Variants in AVEN observed in about 807,000 individuals in gnomAD.
The protein encoded by AVEN is cell death regulator Aven.
A neutral mutation model predicts 38.1 loss-of-function variants in AVEN; 41 were observed. The ratio of observed to expected loss-of-function variants is 1.08; its 90% CI spans 0.84 to 1.40. The LOEUF (loss-of-function observed/expected upper bound fraction) is 1.40, where lower values mean the gene tolerates loss of function less well. Ranked by LOEUF, AVEN falls within the 40% of genes most tolerant of loss-of-function variation. The pLI is 0.00. For synonymous variants in AVEN, 206 were observed against 171.8 expected (o/e 1.20, Z -1.56); for missense variants, 605 against 438.8 (o/e 1.38, Z -3.38).
chr15:33,859,591 T>A, intron 11 of AVEN: 1 of 1,614,016 alleles, frequency 6.2e-7, no homozygotes, highest in African/African-American at 1.3e-5. Flanking sequence ...CTTTTCCACA[T>A]GTACGTGGGA....
chr15:33,998,875 AT>A (rs1167958872), intron 2 of AVEN, among the ~76,000 whole-genome samples: 2 of 152,158 alleles, frequency 1.3e-5, no homozygotes, highest in Non-Finnish European at 2.9e-5. Context: ...TCTCTAGGTA[AT>A]AACTCCCCCT....
chr15:33,868,043 G>A (rs780924423), intron 4 of AVEN, among the ~76,000 whole-genome samples, 188 bp from the exon 5 acceptor site: 10 of 152,124 alleles, frequency 6.6e-5, no homozygotes, highest in African/African-American at 9.7e-5. Flanking sequence ...GGTAAATGTG[G>A]GAGACCTCAC....
intron 2 of AVEN, among the ~76,000 whole-genome samples, chr15:33,879,833 T>C (rs1891410663): frequency 6.6e-6 from 1 of 152,176 alleles, no homozygotes; most frequent in African/African-American, 2.4e-5. Context: ...CTGGATCAAT[T>C]AGAAACCTCT....
chr15:33,865,030 A>C, downstream of AVEN: 1 of 792,180 alleles, frequency 1.3e-6, no homozygotes, highest in South Asian at 1.7e-5. Flanking sequence ...ATATAAATTC[A>C]CATCAGTCTT....
At chr15:33,953,224 T>G (rs1597268255) in intron 2 of AVEN, among the ~76,000 whole-genome samples, 2 of 151,998 alleles carry the variant, frequency 1.3e-5, no homozygotes, top group East Asian at 3.8e-4. Flanking sequence ...AGGTAATCTA[T>G]AGATTCAATG....
chr15:34,001,590 C>T (rs1897140869), intron 2 of AVEN, among the ~76,000 whole-genome samples: 1 of 152,094 alleles, frequency 6.6e-6, no homozygotes, highest in Non-Finnish European at 1.5e-5. Context: ...ATATAGGTAC[C>T]AAGAGGGAAG....
intron 2 of AVEN, among the ~76,000 whole-genome samples, chr15:33,890,594 GAA>G (rs1220582360): frequency 1.3e-4 from 20 of 152,038 alleles, no homozygotes; most frequent in African/African-American, 4.6e-4. Context: ...TTTGCAACCA[GAA>G]ATTTCTAGTA....
intron 11 of AVEN, chr15:33,859,676 C>A: frequency 6.2e-7 from 1 of 1,613,768 alleles, no homozygotes; most frequent in Non-Finnish European, 8.5e-7. Context: ...ATCGCATTGT[C>A]TTTGACATTA....
At chr15:33,878,108 A>C (rs1891325797) in intron 2 of AVEN, among the ~76,000 whole-genome samples, 1 of 152,236 alleles carries the variant, frequency 6.6e-6, no homozygotes, top group African/African-American at 2.4e-5. Context: ...AAAACTCAAC[A>C]GTTATCAAGA....
At chr15:33,983,377 C>A (rs969587749) in intron 2 of AVEN, among the ~76,000 whole-genome samples, 1 of 151,506 alleles carries the variant, frequency 6.6e-6, no homozygotes, top group African/African-American at 2.4e-5. Context: ...CTCATTAACC[C>A]CATTCAGTTA....
At chr15:33,931,442 C>T (rs2153050963) in intron 2 of AVEN, among the ~76,000 whole-genome samples, 1 of 145,296 alleles carries the variant, frequency 6.9e-6, no homozygotes, top group African/African-American at 2.6e-5. Flanking sequence ...ACAATCTCGG[C>T]TCACTGCAAG....
Position 33,866,676 on chromosome 15 carries a change from T to C in AVEN, c.1026A>G (p.Pro342=). ...TEEKNMEPEQ[P]STSKNVTEEE... is the part of the protein sequence containing the mutation. ...CCTCGGTAACATTTTTGGAGGTACT[T>C]GGTTGCTCAGGTTCCATGTTTTTTT... The change falls in exon 6 of 6, where the codon CCA becomes CCG. Residue 342 remains proline (P), a synonymous_variant. Coordinates refer to ENST00000306730, the MANE Select transcript of AVEN (RefSeq NM_020371.3). 6.2e-7 allele frequency: 1 copy of C among 1,614,168 alleles called. No homozygotes were observed.
chr15:34,057,941 T>C (rs1324765359), intron 5 of AVEN, among the ~76,000 whole-genome samples: 1 of 152,216 alleles, frequency 6.6e-6, no homozygotes, highest in Non-Finnish European at 1.5e-5. Flanking sequence ...GCTTATTCCA[T>C]TTATCAGAGA....
rs369937575 is a variant in AVEN at position 34,063,150 on chromosome 15, A to C, written n.1409T>G. 6.2e-7 allele frequency: 1 copy of C among 1,614,140 alleles called. No homozygotes were observed. The highest frequency in any genetic ancestry group is 1.7e-5 in the Admixed American group (1 of 60,018). Reference sequence around the variant, plus strand: ...GACATATCGGGCCAAGCGTACTCCGAAAAGGGCTGGCATCATGATTGGCTT... The same window carrying C: ...GACATATCGGGCCAAGCGTACTCCGCAAAGGGCTGGCATCATGATTGGCTT... On this transcript the variant is annotated non_coding_transcript_exon_variant, in exon 5 of 12. Transcript: ENST00000675287. This position sits in a 1 kb window ranked among gnomAD's most constrained non-coding sequence, Gnocchi z 4.1.
At chr15:33,913,031 A>G (rs1892978390) in intron 2 of AVEN, among the ~76,000 whole-genome samples, 1 of 151,928 alleles carries the variant, frequency 6.6e-6, no homozygotes, top group Non-Finnish European at 1.5e-5. Context: ...CTGGGATTAC[A>G]GGCATGCACC....
chr15:33,879,965 A>G (rs1891415650), intron 2 of AVEN, among the ~76,000 whole-genome samples: 1 of 152,242 alleles, frequency 6.6e-6, no homozygotes, highest in African/African-American at 2.4e-5. Flanking sequence ...GACAAAGCAG[A>G]AAAGCGAAGG....
chr15:33,994,503 T>C lies in AVEN; in HGVS notation c.445+8529A>G, dbSNP rs980384508. The stretch of plus-strand genomic sequence containing the variant: ...ACACGCTTGAATCATCCTGAAACCG[T>C]CATCCTCACCCTGGTCTGTGGAAAA... On this transcript the variant is annotated intron_variant, in intron 2 of 5. Transcript: ENST00000306730. Among the ~76,000 whole-genome samples the C allele has an allele frequency of 8.5e-5, 13 of 152,316 alleles. No individual in the cohort carries two copies. In the South Asian group the frequency reaches 1.0e-3, roughly 12 times the overall value.
chr15:33,964,380 T>C (rs751758034), intron 2 of AVEN, among the ~76,000 whole-genome samples: 58 of 151,940 alleles, frequency 3.8e-4, no homozygotes, highest in South Asian at 6.2e-4. Flanking sequence ...AGGCCTGAGA[T>C]GAGTGAAAAA....
At chr15:33,878,021 A>T (rs968704416) in intron 2 of AVEN, among the ~76,000 whole-genome samples, 1 of 152,182 alleles carries the variant, frequency 6.6e-6, no homozygotes, top group Admixed American at 6.5e-5. Context: ...TAACATACAA[A>T]AAATTCCTGG....
Sources: gnomAD v4.1 joint callset for allele counts (sites outside exome capture counted in the v4.1 genomes callset) on GRCh38, gnomAD v4.1.1 for gene constraint, Gnocchi (gnomAD v3.1) non-coding constraint, MANE v1.5 for transcripts, NCBI Gene and HGNC (gene_info 2026-07-23, HGNC 2026-07-21) for gene names.